Variants in CAPRIN2 observed in about 807,000 individuals in gnomAD.
The protein encoded by CAPRIN2 is caprin family member 2.
Under a neutral mutation model 130.4 loss-of-function variants are expected in CAPRIN2, and 66 were observed. The ratio of observed to expected loss-of-function variants is 0.51; its 90% CI spans 0.42 to 0.62. The LOEUF is 0.62. Ranked by LOEUF, CAPRIN2 falls within the 20% of genes least tolerant of loss-of-function variation. The pLI, the probability that CAPRIN2 is intolerant of heterozygous loss-of-function variation, is 0.00. For missense variants in CAPRIN2, 1,185 were observed against 1,246.6 expected (o/e 0.95, Z 0.74); for synonymous variants, 471 against 444.1 (o/e 1.06, Z -0.76).
At chr12:30,753,232 C>G (rs979757886) in intron 1 of CAPRIN2, 112 bp downstream of exon 2, 9 of 827,408 alleles carry the variant, frequency 1.1e-5, no homozygotes, top group Non-Finnish European at 1.5e-5. Context: ...AGCAGCTAAA[C>G]CTAAGGTTAG....
At chr12:30,723,735 T>C (rs1402350106) in intron 10 of CAPRIN2, among the ~76,000 whole-genome samples, 1 of 152,242 alleles carries the variant, frequency 6.6e-6, no homozygotes, top group African/African-American at 2.4e-5. Context: ...TATATTAACA[T>C]ACTTTTCAAT....
At chr12:30,746,690 ACT>A (rs1424913155) in intron 2 of CAPRIN2, among the ~76,000 whole-genome samples, 1 of 152,230 alleles carries the variant, frequency 6.6e-6, no homozygotes, top group East Asian at 1.9e-4. Flanking sequence ...CAAGACCCTA[ACT>A]CTCTTTTATT....
rs138696182 is a variant in CAPRIN2 at position 30,748,184 on chromosome 12, T to C, written c.483+2887A>G. Among the ~76,000 whole-genome samples, 1,109 of 152,336 alleles carry C rather than the reference T, an allele frequency of 7.3e-3. 3 individuals are homozygous for C. The highest frequency in any genetic ancestry group is 0.013 in the Admixed American group (192 of 15,302). On this transcript the variant is annotated intron_variant, in intron 2 of 16. Coordinates refer to ENST00000298892, the Ensembl canonical transcript of CAPRIN2. ...GCAGGGTTCCAAAGACTGACTCCAATTTTGAAAAAAGTCCTACTGTGGGTA... is the reference window on the plus strand; with the variant it reads ...GCAGGGTTCCAAAGACTGACTCCAACTTTGAAAAAAGTCCTACTGTGGGTA...
intron 2 of CAPRIN2, among the ~76,000 whole-genome samples, chr12:30,748,163 G>A (rs573302401): frequency 2.8e-4 from 43 of 152,142 alleles, no homozygotes; most frequent in Admixed American, 3.3e-4. Context: ...GCAGCAGCAG[G>A]GTTCCAAAGA....
chr12:30,753,990 G>A, exon 1 of CAPRIN2: 4 of 504,944 alleles, frequency 7.9e-6, no homozygotes, highest in Non-Finnish European at 1.4e-5. Context: ...CGGGACCTAA[G>A]GCTGAGCCAC....
upstream of CAPRIN2, chr12:30,754,615 A>G (rs1477724337): frequency 6.6e-6 from 1 of 152,048 alleles, no homozygotes; most frequent in East Asian, 2.0e-4. Context: ...GGCCCTCGGG[A>G]GCCCCGCCCC....
chr12:30,734,282 AC>A (rs2063709688), intron 4 of CAPRIN2, among the ~76,000 whole-genome samples: 2 of 152,186 alleles, frequency 1.3e-5, no homozygotes, highest in Admixed American at 6.5e-5. Flanking sequence ...ATTTCTGGTA[AC>A]CGTTGAAATC....
At chr12:30,749,581 G>T (rs1407291866) in intron 2 of CAPRIN2, among the ~76,000 whole-genome samples, 1 of 152,234 alleles carries the variant, frequency 6.6e-6, no homozygotes, top group East Asian at 1.9e-4. Context: ...TGAGCTAGAT[G>T]TGAGCTATGA....
chr12:30,739,851 G>A (rs943573064), intron 3 of CAPRIN2, among the ~76,000 whole-genome samples: 1 of 152,076 alleles, frequency 6.6e-6, no homozygotes, highest in Admixed American at 6.6e-5. Context: ...GCACAAGGTA[G>A]GCATTTTTTA....
intron 2 of CAPRIN2, among the ~76,000 whole-genome samples, chr12:30,741,756 A>T (rs561205959): frequency 6.7e-4 from 102 of 152,236 alleles, no homozygotes; most frequent in African/African-American, 2.1e-3. Context: ...ATAAATACAT[A>T]TTATAAAGCC....
chr12:30,743,209 GTCTTCTAACAAAGAGCTGCTCCC>G (rs960955382), intron 2 of CAPRIN2, among the ~76,000 whole-genome samples: 1 of 142,232 alleles, frequency 7.0e-6, no homozygotes, highest in African/African-American at 2.6e-5. Context: ...CGTCTTTGAT[GTCTTCTAACAAAGAGCTGCTCCC>G]TCTCTATTGA....
intron 2 of CAPRIN2, among the ~76,000 whole-genome samples, chr12:30,746,033 T>A (rs895449133): frequency 2.0e-5 from 3 of 151,906 alleles, no homozygotes; most frequent in Non-Finnish European, 4.4e-5. Context: ...TTCAAAGAGG[T>A]CCCACCTCAA....
In CAPRIN2 at chr12:30,710,405, C is replaced by T. The variant is rs1203703629; in HGVS notation, c.2731G>A (p.Asp911Asn). ...CTACGGGAGTCTCCTTGTCCAGAGT[C>T]ACCACTGTTAAAGGTTTCGTTGTCT... Residue 911 changes from aspartate to asparagine, a missense_variant, in exon 17 of 17, where the codon GAC becomes AAC. By Grantham distance (23) the Asp-to-Asn change is conservative (BLOSUM62 1). This residue lies in a region of CAPRIN2 where 1,104 missense variants were observed against 1,104.3 expected (regional missense o/e 1.00). Coordinates refer to ENST00000298892, the Ensembl canonical transcript of CAPRIN2. The surrounding 1 kb of genome is among the most constrained non-coding windows in gnomAD (Gnocchi z 4.8). 5 of 1,614,018 alleles carry T rather than the reference C, an allele frequency of 3.1e-6. No homozygotes were observed. In the South Asian group the frequency reaches 4.4e-5, roughly 14 times the overall value.
intron 2 of CAPRIN2, among the ~76,000 whole-genome samples, chr12:30,748,323 C>T (rs965246216): frequency 1.3e-5 from 2 of 152,228 alleles, no homozygotes; most frequent in African/African-American, 4.8e-5. Context: ...CTGCAACCTT[C>T]AGCAACCACC....
At chr12:30,751,262 T>C in intron 1 of CAPRIN2, 129 bp from the exon 3 acceptor site, 1 of 725,090 alleles carries the variant, frequency 1.4e-6, no homozygotes, top group South Asian at 1.5e-5. Flanking sequence ...GACTATCATT[T>C]TACTATACGG....
intron 15 of CAPRIN2, among the ~76,000 whole-genome samples, chr12:30,712,461 CT>C (rs1476528467): frequency 6.6e-6 from 1 of 152,182 alleles, no homozygotes; most frequent in Non-Finnish European, 1.5e-5. Flanking sequence ...ACATCCTCCC[CT>C]CACATACATT....
At chr12:30,742,667 A>G (rs1248116119) in intron 2 of CAPRIN2, among the ~76,000 whole-genome samples, 1 of 149,942 alleles carries the variant, frequency 6.7e-6, no homozygotes, top group African/African-American at 2.5e-5. Flanking sequence ...CAAAAAAAAC[A>G]CAACTCTAAC....
chr12:30,747,541 C>T (rs971844239), intron 2 of CAPRIN2, among the ~76,000 whole-genome samples: 2 of 151,990 alleles, frequency 1.3e-5, no homozygotes, highest in Non-Finnish European at 2.9e-5. Flanking sequence ...GCCAGGCATG[C>T]TGGCACATGC....
chr12:30,751,559 G>T (rs1394080736), intron 1 of CAPRIN2: 5 of 203,602 alleles, frequency 2.5e-5, no homozygotes, highest in African/African-American at 1.2e-4. Context: ...AGTGCTACCG[G>T]TATCTTGTGG....
Sources: allele counts gnomAD v4.1 joint callset (sites outside exome capture counted in the v4.1 genomes callset), GRCh38; gene constraint gnomAD v4.1.1; regional missense constraint gnomAD v4.1.1; non-coding constraint Gnocchi (gnomAD v3.1); transcripts MANE v1.5; gene names NCBI Gene and HGNC (gene_info 2026-07-23, HGNC 2026-07-21).